NLGN1: variants seen among roughly 807,000 people sequenced by gnomAD.
NLGN1 encodes the protein neuroligin-1.
NLGN1 carries 12 observed loss-of-function variants against 65.5 expected under a neutral mutation model. The ratio of observed to expected loss-of-function variants is 0.18; its 90% CI spans 0.12 to 0.30. NLGN1 has a LOEUF of 0.30. Ranked by LOEUF, NLGN1 falls within the 10% of genes least tolerant of loss-of-function variation. The pLI is 1.00. For missense variants in NLGN1, 750 were observed against 1,007.1 expected, an observed-to-expected ratio of 0.74 and a Z score of 3.46; for synonymous variants, 350 against 359.5, an observed-to-expected ratio of 0.97 and a Z score of 0.30.
intron 3 of NLGN1, among the ~76,000 whole-genome samples, chr3:173,661,062 C>T (rs1760854897): frequency 1.3e-5 from 2 of 151,896 alleles, no homozygotes; most frequent in Admixed American, 1.3e-4. Context: ...GGGTGTGTGC[C>T]AGTAATCCAC....
intron 2 of NLGN1, among the ~76,000 whole-genome samples, chr3:173,484,645 C>T (rs914227733): frequency 6.6e-6 from 1 of 151,874 alleles, no homozygotes; most frequent in Non-Finnish European, 1.5e-5. Flanking sequence ...AAGACATAGG[C>T]CAATATATCT....
At chr3:173,900,258 C>T (rs1455263855) in intron 4 of NLGN1, among the ~76,000 whole-genome samples, 12 of 151,548 alleles carry the variant, frequency 7.9e-5, no homozygotes, top group Non-Finnish European at 4.4e-5. Flanking sequence ...TTTGTTACTA[C>T]TTCATTTTTT....
chr3:173,522,827 C>T (rs1315906042), intron 2 of NLGN1, among the ~76,000 whole-genome samples: 1 of 152,194 alleles, frequency 6.6e-6, no homozygotes, highest in African/African-American at 2.4e-5. Context: ...TGATTTTAGT[C>T]CTTTGAGAGC....
intron 3 of NLGN1, among the ~76,000 whole-genome samples, chr3:173,798,281 C>G (rs1441803789): frequency 6.6e-6 from 1 of 152,048 alleles, no homozygotes; most frequent in Admixed American, 6.6e-5. Context: ...AATTGTGTTG[C>G]TAACCAGTGA....
intron 4 of NLGN1, among the ~76,000 whole-genome samples, chr3:173,948,328 G>A (rs570725068): frequency 6.6e-6 from 1 of 152,182 alleles, no homozygotes; most frequent in African/African-American, 2.4e-5. Flanking sequence ...ATGTAACTAA[G>A]CTGTTAGCTG....
intron 4 of NLGN1, among the ~76,000 whole-genome samples, chr3:173,993,770 G>A (rs1389713996): frequency 6.6e-6 from 1 of 151,136 alleles, no homozygotes; most frequent in Non-Finnish European, 1.5e-5. Flanking sequence ...TATAGTGTGT[G>A]TATATATATA....
In NLGN1 at chr3:173,525,415, A is replaced by G. The variant is rs1459073533; in HGVS notation, c.-320-78864A>G. ...CTAGTTTGTGCACATGGAGACATTC[A>G]TAGTATTCCTTGATGATCTTTGTAT... On this transcript the variant is annotated intron_variant, in intron 2 of 6. Coordinates refer to ENST00000457714, the Ensembl canonical transcript of NLGN1. 2.6e-5 allele frequency among the ~76,000 whole-genome samples: 4 copies of G among 152,148 alleles called. No individual in the cohort carries two copies. In the East Asian group the frequency reaches 5.8e-4, roughly 22 times the overall value.
intron 2 of NLGN1, among the ~76,000 whole-genome samples, chr3:173,519,996 C>T (rs1226313943): frequency 3.3e-5 from 5 of 152,110 alleles, no homozygotes; most frequent in African/African-American, 4.8e-5. Context: ...AATGGTTTAG[C>T]GTCATCCTCT....
chr3:173,833,057 A>ATT (rs57234439), intron 4 of NLGN1, among the ~76,000 whole-genome samples: 1 of 151,916 alleles, frequency 6.6e-6, no homozygotes, highest in African/African-American at 2.4e-5. Context: ...AATACAATAA[A>ATT]AATCTTTCTT....
intron 4 of NLGN1, among the ~76,000 whole-genome samples, chr3:173,927,799 G>A (rs777792987): frequency 6.6e-5 from 10 of 152,062 alleles, no homozygotes; most frequent in Non-Finnish European, 1.2e-4. Context: ...AAACAGGTAT[G>A]CTGGTGTGTC....
At chr3:173,975,049 T>C (rs1717113735) in intron 4 of NLGN1, among the ~76,000 whole-genome samples, 1 of 152,072 alleles carries the variant, frequency 6.6e-6, no homozygotes, top group Non-Finnish European at 1.5e-5. Flanking sequence ...ATTGGCTTAA[T>C]TGTGTTCACA....
At chr3:173,429,446 T>C (rs148275049) in intron 1 of NLGN1, among the ~76,000 whole-genome samples, 478 of 152,350 alleles carry the variant, frequency 3.1e-3, no homozygotes, top group Non-Finnish European at 5.0e-3. Flanking sequence ...CTGTTTTGAA[T>C]AGTTGATCTG....
chr3:173,478,648 C>T (rs879715265), intron 2 of NLGN1, among the ~76,000 whole-genome samples: 1 of 152,140 alleles, frequency 6.6e-6, no homozygotes, highest in South Asian at 2.1e-4. Flanking sequence ...GGGCTGGGCA[C>T]ATTGGCTCAC....
intron 3 of NLGN1, among the ~76,000 whole-genome samples, chr3:173,653,560 C>A (rs973562263): frequency 2.0e-5 from 3 of 152,026 alleles, no homozygotes; most frequent in Admixed American, 1.3e-4. Flanking sequence ...AAAATGTTAG[C>A]CCCAACTTTT....
intron 2 of NLGN1, among the ~76,000 whole-genome samples, chr3:173,449,520 T>C (rs1721070521): frequency 6.7e-6 from 1 of 148,810 alleles, no homozygotes; most frequent in Admixed American, 6.7e-5. Flanking sequence ...GGTGTGGTGC[T>C]GAAAAAAATG....
intron 3 of NLGN1, among the ~76,000 whole-genome samples, chr3:173,642,457 G>T (rs1757570027): frequency 6.6e-6 from 1 of 152,186 alleles, no homozygotes; most frequent in African/African-American, 2.4e-5. Context: ...TGCATGTGAA[G>T]AAGCCATCAC....
At chr3:174,233,829 A>C (rs1192715037) in intron 4 of NLGN1, among the ~76,000 whole-genome samples, 1 of 152,174 alleles carries the variant, frequency 6.6e-6, no homozygotes, top group East Asian at 1.9e-4. Flanking sequence ...TTAAGTCCAC[A>C]AACGTAGATA....
At chr3:173,583,150 A>T (rs547613804) in intron 2 of NLGN1, among the ~76,000 whole-genome samples, 1 of 152,322 alleles carries the variant, frequency 6.6e-6, no homozygotes, top group South Asian at 2.1e-4. Flanking sequence ...AAGCCTTAAT[A>T]GTTCATATTG....
intron 4 of NLGN1, among the ~76,000 whole-genome samples, chr3:174,143,553 A>C (rs757813472): frequency 3.9e-5 from 6 of 152,224 alleles, no homozygotes; most frequent in Non-Finnish European, 7.3e-5. Flanking sequence ...CAGCCAGCAA[A>C]AAAGACTTCT....
Sources: gnomAD v4.1 joint callset for allele counts (sites outside exome capture counted in the v4.1 genomes callset) on GRCh38, gnomAD v4.1.1 for gene constraint, MANE v1.5 for transcripts, NCBI Gene and HGNC (gene_info 2026-07-23, HGNC 2026-07-21) for gene names.